Variants in ROBO1 observed in about 807,000 individuals in gnomAD.
ROBO1 encodes roundabout guidance receptor 1, also known as roundabout homolog 1.
In ROBO1, 149 loss-of-function variants were observed where a neutral mutation model predicts 195.9. That is an observed-to-expected ratio of 0.76 (90% CI 0.67 to 0.87). The LOEUF is 0.87. Among genes scored for constraint, ROBO1 ranks in the 40% least tolerant of loss-of-function variants. ROBO1 has a pLI of 0.00. For synonymous variants in ROBO1, 816 were observed against 733.2 expected, an observed-to-expected ratio of 1.11 and a Z score of -1.82; for missense variants, 1,933 against 2,068.3, an observed-to-expected ratio of 0.93 and a Z score of 1.27.
At chr3:79,181,315 G>C (rs1419728588) in intron 2 of ROBO1, among the ~76,000 whole-genome samples, 2 of 152,084 alleles carry the variant, frequency 1.3e-5, no homozygotes, top group African/African-American at 4.8e-5. Context: ...GCATTATTTA[G>C]CTTTGAATTG....
chr3:78,726,656 C>A (rs1380530822), intron 5 of ROBO1, among the ~76,000 whole-genome samples: 2 of 152,086 alleles, frequency 1.3e-5, no homozygotes, highest in Non-Finnish European at 2.9e-5. Context: ...GATCTTTGAC[C>A]TAGAGAATAG....
At chr3:79,478,260 T>G (rs190769388) in intron 2 of ROBO1, among the ~76,000 whole-genome samples, 88 of 152,168 alleles carry the variant, frequency 5.8e-4, no homozygotes, top group Non-Finnish European at 2.9e-5. Flanking sequence ...ATTAGAGAAA[T>G]GCCTTGATGT....
At chr3:78,856,750 T>C (rs563228969) in intron 4 of ROBO1, among the ~76,000 whole-genome samples, 183 of 151,720 alleles carry the variant, frequency 1.2e-3, no homozygotes, top group African/African-American at 4.3e-3. Context: ...TTAAAAATTA[T>C]ATTTCATATA....
chr3:79,355,403 T>A lies in ROBO1; in HGVS notation c.89-229864A>T, dbSNP rs568702766. 3.8e-4 allele frequency among the ~76,000 whole-genome samples: 58 copies of A among 152,256 alleles called. 1 individual carries two copies. In the South Asian group the frequency reaches 1.0e-2, roughly 26 times the overall value. On this transcript the variant is annotated intron_variant, in intron 2 of 30. Transcript: ENST00000464233. Reference sequence around the variant, plus strand: ...TCCCATCACCCTAAACATGTGTCATTTCTTTGTTTTCAGAATATTCAAAAA... The same window carrying A: ...TCCCATCACCCTAAACATGTGTCATATCTTTGTTTTCAGAATATTCAAAAA...
At chr3:78,788,269 C>T (rs1181086307) in intron 4 of ROBO1, among the ~76,000 whole-genome samples, 2 of 146,818 alleles carry the variant, frequency 1.4e-5, no homozygotes, top group Non-Finnish European at 3.0e-5. Flanking sequence ...GCGCCCGCCA[C>T]CACGCCCAGA....
At chr3:79,753,044 A>T (rs1186675305) in intron 1 of ROBO1, among the ~76,000 whole-genome samples, 1 of 152,138 alleles carries the variant, frequency 6.6e-6, no homozygotes, top group Non-Finnish European at 1.5e-5. Context: ...AGGGCAGACA[A>T]ATGAAGAGGC....
intron 2 of ROBO1, among the ~76,000 whole-genome samples, chr3:79,466,433 G>A (rs532159278): frequency 1.3e-5 from 2 of 152,154 alleles, no homozygotes; most frequent in Admixed American, 1.3e-4. Context: ...CTTTTAATTC[G>A]AATGACAAAG....
chr3:79,355,064 G>GTAC (rs1429944750), intron 2 of ROBO1, among the ~76,000 whole-genome samples: 2 of 152,012 alleles, frequency 1.3e-5, no homozygotes, highest in African/African-American at 4.8e-5. Context: ...TACTCCGGAG[G>GTAC]CTGAGGCAGG....
At chr3:79,490,950 T>C (rs901829575) in intron 2 of ROBO1, among the ~76,000 whole-genome samples, 1 of 152,116 alleles carries the variant, frequency 6.6e-6, no homozygotes, top group African/African-American at 2.4e-5. Flanking sequence ...CCCCCTTCCC[T>C]TCTCTCTCTC....
chr3:79,756,000 A>G (rs967810594), intron 1 of ROBO1, among the ~76,000 whole-genome samples: 4 of 152,210 alleles, frequency 2.6e-5, no homozygotes, highest in Non-Finnish European at 4.4e-5. Flanking sequence ...ATTTCATTCC[A>G]AAACTTCCAT....
intron 1 of ROBO1, among the ~76,000 whole-genome samples, chr3:79,740,551 G>T (rs1213815636): frequency 1.3e-5 from 2 of 152,014 alleles, no homozygotes; most frequent in African/African-American, 4.8e-5. Context: ...CTCTTCACAG[G>T]GTGGCAGGAC....
chr3:78,638,190 T>C (rs1705655086), intron 22 of ROBO1, among the ~76,000 whole-genome samples: 1 of 142,934 alleles, frequency 7.0e-6, no homozygotes, highest in Non-Finnish European at 1.6e-5. Flanking sequence ...TGTGTATATA[T>C]ATGTGTGTAT....
At chr3:78,604,734 A>C (rs1703369917) in intron 29 of ROBO1, among the ~76,000 whole-genome samples, 1 of 152,152 alleles carries the variant, frequency 6.6e-6, no homozygotes. Context: ...GCTAATGACC[A>C]GATGTCCATA....
intron 26 of ROBO1, among the ~76,000 whole-genome samples, chr3:78,622,099 TAA>T (rs1336850289): frequency 2.6e-5 from 4 of 152,184 alleles, no homozygotes; most frequent in African/African-American, 9.6e-5. Flanking sequence ...CATATTTGAA[TAA>T]GTTTAATTAT....
intron 1 of ROBO1, among the ~76,000 whole-genome samples, chr3:79,649,774 A>G (rs1576176625): frequency 6.6e-6 from 1 of 152,026 alleles, no homozygotes. Context: ...CTTAATGAAC[A>G]TGGGCACTAT....
At chr3:78,954,262 A>G (rs563486057) in intron 3 of ROBO1, among the ~76,000 whole-genome samples, 32 of 152,174 alleles carry the variant, frequency 2.1e-4, no homozygotes, top group African/African-American at 7.5e-4. Flanking sequence ...TTCCTTGTGG[A>G]AAACATTGCA....
chr3:78,599,710 T>C (rs1312844016), intron 30 of ROBO1, among the ~76,000 whole-genome samples: 1 of 152,196 alleles, frequency 6.6e-6, no homozygotes, highest in Non-Finnish European at 1.5e-5. Flanking sequence ...ACCAGCCACA[T>C]TACCCTGGTG....
At chr3:78,769,617 G>GTATTT (rs1559836189) in intron 4 of ROBO1, among the ~76,000 whole-genome samples, 1 of 72,924 alleles carries the variant, frequency 1.4e-5, no homozygotes, top group Non-Finnish European at 2.8e-5. Context: ...AGTGTACTTT[G>GTATTT]GTTTTTTTTT....
chr3:79,019,452 G>C, intron 3 of ROBO1: 1 of 986,256 alleles, frequency 1.0e-6, no homozygotes, highest in Non-Finnish European at 1.2e-6. Flanking sequence ...CTCCTCTCCA[G>C]CTCAATTGCT....
Sources: gnomAD v4.1 joint callset for allele counts (sites outside exome capture counted in the v4.1 genomes callset) on GRCh38, gnomAD v4.1.1 for gene constraint, MANE v1.5 for transcripts, NCBI Gene and HGNC (gene_info 2026-07-23, HGNC 2026-07-21) for gene names.